Variants in MOB3B observed in about 807,000 individuals in gnomAD.
The protein encoded by MOB3B is MOB kinase activator-like 2B.
A neutral mutation model predicts 18.7 loss-of-function variants in MOB3B; 7 were observed. The observed-to-expected ratio is 0.37, with a 90% CI of 0.21 to 0.70. The LOEUF (loss-of-function observed/expected upper bound fraction) is 0.70. Among genes scored for constraint, MOB3B ranks in the 30% least tolerant of loss-of-function variants. The pLI is 0.52. For missense variants in MOB3B, 253 were observed against 281.3 expected (o/e 0.90, Z 0.72); for synonymous variants, 111 against 99.9 (o/e 1.11, Z -0.66).
chr9:27,353,430 C>CGTGT (rs142240060), intron 3 of MOB3B, among the ~76,000 whole-genome samples: 3 of 151,802 alleles, frequency 2.0e-5, no homozygotes, highest in Admixed American at 6.6e-5. Flanking sequence ...TTCTGATGCA[C>CGTGT]GTGTGTGTGT....
chr9:27,371,757 A>G (rs946601533), intron 2 of MOB3B, among the ~76,000 whole-genome samples: 1 of 151,986 alleles, frequency 6.6e-6, no homozygotes, highest in Non-Finnish European at 1.5e-5. Context: ...AAAGCCTCTC[A>G]GCCTTAGCTG....
At chr9:27,355,130 C>T (rs1185994306) in intron 3 of MOB3B, among the ~76,000 whole-genome samples, 1 of 152,202 alleles carries the variant, frequency 6.6e-6, no homozygotes, top group Non-Finnish European at 1.5e-5. Context: ...ATGATACTGA[C>T]TCTCCTACCC....
intron 1 of MOB3B, chr9:27,524,416 CCCTGG>C: frequency 6.2e-7 from 1 of 1,614,076 alleles, no homozygotes; most frequent in Non-Finnish European, 8.5e-7. Context: ...GGCACCCTAT[CCCTGG>C]ACTGTAACTT....
intron 2 of MOB3B, among the ~76,000 whole-genome samples, chr9:27,449,130 G>A (rs934331017): frequency 6.6e-6 from 1 of 152,164 alleles, no homozygotes; most frequent in Non-Finnish European, 1.5e-5. Context: ...GTGAAGCCAG[G>A]AGCCTAAAGA....
At chr9:27,378,173 C>A in intron 2 of MOB3B, 1 of 352,484 alleles carries the variant, frequency 2.8e-6, no homozygotes, top group Non-Finnish European at 5.7e-6. Context: ...ATCTTCAGGT[C>A]AGAAATCAGA....
At chr9:27,501,189 G>A (rs1338211235) in intron 1 of MOB3B, among the ~76,000 whole-genome samples, 1 of 152,206 alleles carries the variant, frequency 6.6e-6, no homozygotes, top group African/African-American at 2.4e-5. Flanking sequence ...GGAAGACAGT[G>A]TGGTGATTCC....
rs1483114438 is a variant in MOB3B, at chr9:27,431,733, T to C, written c.418+23400A>G. On this transcript the variant is annotated intron_variant, in intron 2 of 3. Transcript: ENST00000262244. ...GCTGGGAACTTCTGGGATTCTGAAA[T>C]GCAAAACACTGGAGGCAGTCCCAGA... 3.3e-5 allele frequency among the ~76,000 whole-genome samples: 5 copies of C among 152,300 alleles called. No individual in the cohort carries two copies. In the East Asian group the frequency reaches 7.7e-4, roughly 23 times the overall value.
intron 1 of MOB3B, among the ~76,000 whole-genome samples, chr9:27,466,330 A>T (rs1276209326): frequency 6.6e-6 from 1 of 152,176 alleles, no homozygotes; most frequent in African/African-American, 2.4e-5. Flanking sequence ...TCCATCTGAG[A>T]CCACTTCAGC....
At chr9:27,385,169 T>C (rs986808230) in intron 2 of MOB3B, among the ~76,000 whole-genome samples, 4 of 152,224 alleles carry the variant, frequency 2.6e-5, no homozygotes, top group Non-Finnish European at 5.9e-5. Context: ...TGCCTGAACA[T>C]GTTTTCTTGC....
chr9:27,364,471 G>A (rs1821316333), intron 2 of MOB3B, among the ~76,000 whole-genome samples: 1 of 152,148 alleles, frequency 6.6e-6, no homozygotes, highest in Non-Finnish European at 1.5e-5. Context: ...CATAGTAAAG[G>A]ATCTGAGAAT....
At chr9:27,351,983 A>G (rs1052501714) in intron 3 of MOB3B, among the ~76,000 whole-genome samples, 3 of 152,218 alleles carry the variant, frequency 2.0e-5, no homozygotes, top group Non-Finnish European at 2.9e-5. Flanking sequence ...AGAGGCACCT[A>G]CACACTGGGG....
chr9:27,343,592 A>C (rs1322284418), intron 3 of MOB3B, among the ~76,000 whole-genome samples: 1 of 152,038 alleles, frequency 6.6e-6, no homozygotes, highest in East Asian at 1.9e-4. Context: ...CCATGAAAAC[A>C]ATATGAATTT....
In MOB3B at chr9:27,327,721, G is replaced by C. The variant is rs1381074716; in HGVS notation, c.*2866C>G. The C allele has an allele frequency of 6.6e-6, 1 of 152,022 alleles. No homozygotes were observed. Among genetic ancestry groups the C allele is most frequent in the South Asian group, 2.1e-4 (1 of 4,826 alleles). The allele number at this position is 152,022 out of a possible 1,614,324, so 9.4% of individuals were successfully genotyped here. A position where few individuals can be genotyped will look rare whatever the true frequency, so the allele number is the denominator to read the frequency against. ...GATTTAAAAATAAACAGCTATAAAG[G>C]ATATTTTGGGGACAACTGGAGAATT... On this transcript the variant is annotated 3_prime_UTR_variant, in exon 4 of 4. Coordinates refer to ENST00000262244, the MANE Select transcript of MOB3B (RefSeq NM_024761.5).
At chr9:27,504,418 G>A (rs1257372681) in intron 1 of MOB3B, among the ~76,000 whole-genome samples, 1 of 152,232 alleles carries the variant, frequency 6.6e-6, no homozygotes, top group Non-Finnish European at 1.5e-5. Context: ...ACTGAATGAA[G>A]TATGCTCTTC....
chr9:27,478,711 T>C (rs4879514), intron 1 of MOB3B, among the ~76,000 whole-genome samples: 118,809 of 151,716 alleles, frequency 0.78, 46,737 homozygotes, highest in Non-Finnish European at 0.84. Context: ...TATGTGAGAG[T>C]GGCAATACTG....
chr9:27,381,986 G>A (rs774943862), intron 2 of MOB3B, among the ~76,000 whole-genome samples: 16 of 152,132 alleles, frequency 1.1e-4, no homozygotes, highest in Non-Finnish European at 2.1e-4. Context: ...AACCTGATAC[G>A]AGTGGGCATT....
chr9:27,375,217 T>C (rs1821473436), intron 2 of MOB3B, among the ~76,000 whole-genome samples: 1 of 152,272 alleles, frequency 6.6e-6, no homozygotes, highest in Non-Finnish European at 1.5e-5. Context: ...GAGTACCTCA[T>C]ACTTGCAGCT....
At chr9:27,426,669 T>C (rs1822338263) in intron 2 of MOB3B, among the ~76,000 whole-genome samples, 1 of 152,132 alleles carries the variant, frequency 6.6e-6, no homozygotes, top group South Asian at 2.1e-4. Flanking sequence ...CTCAGAATAA[T>C]ACATGACACT....
chr9:27,389,402 G>A (rs866387806), intron 2 of MOB3B, among the ~76,000 whole-genome samples: 1 of 85,484 alleles, frequency 1.2e-5, no homozygotes, highest in Non-Finnish European at 2.1e-5. Context: ...AGCCAAATGG[G>A]CTTCTTTCCA....
Sources: gnomAD v4.1 joint callset for allele counts (sites outside exome capture counted in the v4.1 genomes callset) on GRCh38, gnomAD v4.1.1 for gene constraint, MANE v1.5 for transcripts, NCBI Gene and HGNC (gene_info 2026-07-23, HGNC 2026-07-21) for gene names.